Variants in PCDH15 observed in about 807,000 individuals in gnomAD.
PCDH15 encodes the protein protocadherin related 15, also known as protocadherin-15.
A neutral mutation model predicts 178.5 loss-of-function variants in PCDH15; 129 were observed. The ratio of observed to expected loss-of-function variants is 0.72; its 90% CI spans 0.63 to 0.84. The LOEUF is 0.84. Ranked by LOEUF, PCDH15 falls within the 40% of genes least tolerant of loss-of-function variation. The pLI, the probability that PCDH15 is intolerant of heterozygous loss-of-function variation, is 0.00. For missense variants in PCDH15, 2,230 were observed against 2,099.9 expected, an observed-to-expected ratio of 1.06 and a Z score of -1.21; for synonymous variants, 800 against 732.0, an observed-to-expected ratio of 1.09 and a Z score of -1.50.
At chr10:54,203,475 G>GA (rs1473989370) in intron 10 of PCDH15, among the ~76,000 whole-genome samples, 2 of 151,878 alleles carry the variant, frequency 1.3e-5, no homozygotes, top group Non-Finnish European at 2.9e-5. Flanking sequence ...CTCAGATTGA[G>GA]AAAAAAAGCA....
intron 2 of PCDH15, among the ~76,000 whole-genome samples, chr10:55,474,936 G>T (rs1308967926): frequency 1.3e-5 from 2 of 152,064 alleles, no homozygotes; most frequent in Non-Finnish European, 2.9e-5. Context: ...CAAAGAGCTT[G>T]CTTACTTGAG....
intron 2 of PCDH15, among the ~76,000 whole-genome samples, chr10:55,061,731 T>A (rs1841438244): frequency 6.6e-6 from 1 of 152,266 alleles, no homozygotes; most frequent in South Asian, 2.1e-4. Flanking sequence ...AAAATGAAAT[T>A]AGCTACTGGC....
At chr10:54,812,342 C>T (rs1217441890) in intron 3 of PCDH15, among the ~76,000 whole-genome samples, 2 of 150,092 alleles carry the variant, frequency 1.3e-5, no homozygotes, top group African/African-American at 4.9e-5. Context: ...AGGATCTCGG[C>T]TCATTGCAAC....
intron 1 of PCDH15, among the ~76,000 whole-genome samples, chr10:54,789,830 A>G (rs1951220142): frequency 6.6e-6 from 1 of 151,940 alleles, no homozygotes; most frequent in South Asian, 2.1e-4. Flanking sequence ...AAAAGCAAAT[A>G]TGTGATTCAG....
intron 1 of PCDH15, among the ~76,000 whole-genome samples, chr10:55,280,976 T>A (rs983952630): frequency 6.6e-6 from 1 of 152,210 alleles, no homozygotes; most frequent in Non-Finnish European, 1.5e-5. Flanking sequence ...AGTTAACTTA[T>A]CCATAATAGG....
chr10:53,961,382 T>C (rs1005296928), intron 22 of PCDH15, among the ~76,000 whole-genome samples: 24 of 151,942 alleles, frequency 1.6e-4, no homozygotes, highest in African/African-American at 5.6e-4. Context: ...TATAGTAAAA[T>C]ACTATGAAAC....
At chr10:54,368,757 T>A (rs756165627) in intron 5 of PCDH15, among the ~76,000 whole-genome samples, 2 of 151,974 alleles carry the variant, frequency 1.3e-5, no homozygotes, top group Non-Finnish European at 2.9e-5. Flanking sequence ...ATTTAATTAG[T>A]ATGACCACCT....
intron 1 of PCDH15, among the ~76,000 whole-genome samples, chr10:55,212,854 C>G (rs554877418): frequency 6.6e-6 from 1 of 152,058 alleles, no homozygotes. Flanking sequence ...TATTCAAAAT[C>G]TATCAAATAA....
intron 2 of PCDH15, among the ~76,000 whole-genome samples, chr10:54,555,736 CA>C (rs869032040): frequency 0.23 from 16,667 of 73,232 alleles, 583 homozygotes; most frequent in East Asian, 0.46. Context: ...GACTCTGTCT[CA>C]AAAAAAAAAA....
At chr10:53,824,330 C>CATTAGCT (rs2076527799) in intron 32 of PCDH15, among the ~76,000 whole-genome samples, 1 of 152,086 alleles carries the variant, frequency 6.6e-6, no homozygotes, top group Non-Finnish European at 1.5e-5. Flanking sequence ...TCCGAATTCT[C>CATTAGCT]ATTAGCTTTT....
At chr10:55,454,833 CAAATA>C (rs374591562) in intron 2 of PCDH15, among the ~76,000 whole-genome samples, 123 of 149,084 alleles carry the variant, frequency 8.3e-4, no homozygotes, top group African/African-American at 3.0e-3. Flanking sequence ...ATTCTATTGG[CAAATA>C]AAATATAAAT....
chr10:55,018,090 G>C (rs1256495263), intron 2 of PCDH15, among the ~76,000 whole-genome samples: 1 of 152,026 alleles, frequency 6.6e-6, no homozygotes, highest in African/African-American at 2.4e-5. Context: ...ATAAACTTGA[G>C]GTAAGAAGAA....
Position 54,262,099 on chromosome 10 carries a change from C to T in PCDH15, c.877-25168G>A, listed in dbSNP as rs374134750. Among the ~76,000 whole-genome samples, 47 of 152,172 alleles carry T rather than the reference C, an allele frequency of 3.1e-4. No homozygotes were observed. In the South Asian group the frequency reaches 3.3e-3, roughly 11 times the overall value. The stretch of plus-strand genomic sequence containing the variant: ...GAGATCCTAGCTACAGGAGTTTCTA[C>T]GACCCCCATAGATCTTTGGACTGGT... On this transcript the variant is annotated intron_variant, in intron 8 of 37. Coordinates refer to ENST00000644397, the MANE Select transcript of PCDH15 (RefSeq NM_001384140.1).
chr10:55,107,169 A>T (rs1018771285), intron 2 of PCDH15, among the ~76,000 whole-genome samples: 1 of 152,300 alleles, frequency 6.6e-6, no homozygotes, highest in South Asian at 2.1e-4. Context: ...GCCCATTAGC[A>T]GTATACTTTC....
intron 1 of PCDH15, among the ~76,000 whole-genome samples, chr10:55,278,148 G>A (rs187669113): frequency 1.8e-3 from 270 of 152,090 alleles, no homozygotes; most frequent in African/African-American, 6.0e-3. Context: ...CATTTAACAC[G>A]TATAGTAGCA....
intron 27 of PCDH15, among the ~76,000 whole-genome samples, chr10:53,862,937 G>A (rs551324938): frequency 1.3e-5 from 2 of 152,298 alleles, no homozygotes; most frequent in African/African-American, 4.8e-5. Flanking sequence ...TGAATGTGAG[G>A]TTTAGGAGAG....
intron 2 of PCDH15, among the ~76,000 whole-genome samples, chr10:55,123,049 A>T (rs1024470748): frequency 6.6e-6 from 1 of 152,084 alleles, no homozygotes; most frequent in Non-Finnish European, 1.5e-5. Flanking sequence ...TGCTTATGGC[A>T]TGGAACATGG....
At chr10:54,749,759 G>GT (rs1945954317) in intron 1 of PCDH15, among the ~76,000 whole-genome samples, 1 of 152,040 alleles carries the variant, frequency 6.6e-6, no homozygotes, top group Non-Finnish European at 1.5e-5. Context: ...TAAATATGTG[G>GT]TAGCAGAGTT....
chr10:55,361,838 C>T (rs2131979366), intron 2 of PCDH15, among the ~76,000 whole-genome samples: 1 of 152,098 alleles, frequency 6.6e-6, no homozygotes, highest in East Asian at 1.9e-4. Context: ...ATATAGAATA[C>T]AGGTTTTCAT....
Sources: gnomAD v4.1 joint callset for allele counts (sites outside exome capture counted in the v4.1 genomes callset) on GRCh38, gnomAD v4.1.1 for gene constraint, MANE v1.5 for transcripts, NCBI Gene and HGNC (gene_info 2026-07-23, HGNC 2026-07-21) for gene names.